Variants in CSMD2 observed in about 807,000 individuals in gnomAD.
The protein encoded by CSMD2 is CUB and Sushi multiple domains 2, also known as CUB and sushi domain-containing protein 2.
Under a neutral mutation model 398.5 loss-of-function variants are expected in CSMD2, and 130 were observed. The ratio of observed to expected loss-of-function variants is 0.33; its 90% CI spans 0.28 to 0.38. The LOEUF is 0.38. Among genes scored for constraint, CSMD2 ranks in the 10% least tolerant of loss-of-function variants. CSMD2 has a pLI of 1.00. For missense variants in CSMD2, 3,829 were observed against 4,764.9 expected, an observed-to-expected ratio of 0.80 and a Z score of 5.78; for synonymous variants, 1,828 against 1,908.5, an observed-to-expected ratio of 0.96 and a Z score of 1.10.
intron 3 of CSMD2, among the ~76,000 whole-genome samples, chr1:33,974,261 G>A (rs1570683036): frequency 6.6e-6 from 1 of 152,320 alleles, no homozygotes; most frequent in East Asian, 1.9e-4. Context: ...ATAGCAGCCT[G>A]AAGAACTGTC....
rs641383 is a variant in CSMD2 at position 33,664,842 on chromosome 1, A to C, written c.4053-1750T>G. On this transcript the variant is annotated intron_variant, in intron 25 of 70. Coordinates refer to ENST00000373381, the MANE Select transcript of CSMD2 (RefSeq NM_001281956.2). ...AAATAAATAAAAAGAAAATAAAATA[A>C]ATAAAAATTTTAAAATAAATCTTGC... Among the ~76,000 whole-genome samples, 1,328 of 152,110 alleles carry C rather than the reference A, an allele frequency of 8.7e-3. 25 individuals are homozygous for C. The highest frequency in any genetic ancestry group is 0.03 in the African/African-American group (1,258 of 41,546).
At chr1:34,014,362 A>G (rs968067537) in intron 3 of CSMD2, among the ~76,000 whole-genome samples, 1 of 152,228 alleles carries the variant, frequency 6.6e-6, no homozygotes, top group African/African-American at 2.4e-5. Context: ...CCCATAATGT[A>G]AAGGCTGTGT....
chr1:33,561,343 TTTCGGC>T (rs1658523999), intron 53 of CSMD2, among the ~76,000 whole-genome samples: 1 of 152,198 alleles, frequency 6.6e-6, no homozygotes, highest in South Asian at 2.1e-4. Flanking sequence ...CAGACCAGGA[TTTCGGC>T]TCAGCTCTGC....
At chr1:33,576,357 G>C (rs778351947) in intron 49 of CSMD2, among the ~76,000 whole-genome samples, 2 of 152,166 alleles carry the variant, frequency 1.3e-5, no homozygotes, top group Non-Finnish European at 2.9e-5. Flanking sequence ...CTGGGAGACC[G>C]AGGTGGGCGG....
At chr1:33,605,223 C>T (rs1004615255) in intron 42 of CSMD2, 59 bp downstream of exon 42, 92 of 1,509,606 alleles carry the variant, frequency 6.1e-5, no homozygotes, top group Non-Finnish European at 8.1e-5. Flanking sequence ...TGGGATTGCT[C>T]TGGACCAGTC....
chr1:33,629,153 G>T (rs986381436), intron 32 of CSMD2, among the ~76,000 whole-genome samples: 5 of 151,156 alleles, frequency 3.3e-5, no homozygotes, highest in African/African-American at 9.7e-5. Flanking sequence ...AATAACTATT[G>T]TCAATGAGCT....
intron 25 of CSMD2, among the ~76,000 whole-genome samples, chr1:33,688,495 G>C (rs1038471153): frequency 6.6e-6 from 1 of 152,148 alleles, no homozygotes; most frequent in African/African-American, 2.4e-5. Flanking sequence ...GTTTCATTTC[G>C]AGTTTATAAA....
chr1:33,721,814 A>C (rs893239516), intron 19 of CSMD2, among the ~76,000 whole-genome samples: 9 of 152,260 alleles, frequency 5.9e-5, no homozygotes, highest in African/African-American at 2.2e-4. Flanking sequence ...TTTGTTATAC[A>C]AATAGTATAT....
intron 4 of CSMD2, among the ~76,000 whole-genome samples, chr1:33,924,267 T>G (rs1032962355): frequency 2.0e-5 from 3 of 152,050 alleles, no homozygotes; most frequent in Non-Finnish European, 4.4e-5. Flanking sequence ...CTTGAACTCC[T>G]GGGCTCAAGA....
At chr1:33,793,015 G>A (rs904244860) in intron 10 of CSMD2, among the ~76,000 whole-genome samples, 6 of 152,096 alleles carry the variant, frequency 3.9e-5, no homozygotes, top group Admixed American at 1.3e-4. Flanking sequence ...ATTTCAACAA[G>A]ATTCCCCCCT....
At chr1:34,084,809 G>A (rs1205265676) in intron 2 of CSMD2, among the ~76,000 whole-genome samples, 1 of 152,006 alleles carries the variant, frequency 6.6e-6, no homozygotes, top group Non-Finnish European at 1.5e-5. Context: ...AACCATTGTG[G>A]AAGTCAGTGT....
At chr1:33,577,210 A>G (rs1389560) in intron 49 of CSMD2, 86 bp downstream of exon 49, 471,673 of 1,259,900 alleles carry the variant, frequency 0.37, 90,583 homozygotes, top group African/African-American at 0.42. Context: ...GGAAACCCAC[A>G]TTTGGAAGTG....
intron 1 of CSMD2, among the ~76,000 whole-genome samples, chr1:34,108,139 C>T (rs1309564533): frequency 2.6e-5 from 4 of 152,132 alleles, no homozygotes; most frequent in African/African-American, 9.7e-5. Context: ...AAACACATGG[C>T]TCCTGTTTTA....
intron 55 of CSMD2, among the ~76,000 whole-genome samples, chr1:33,550,780 CT>C (rs1657372685): frequency 6.6e-6 from 1 of 152,228 alleles, no homozygotes; most frequent in Admixed American, 6.5e-5. Context: ...CCTTTTCCAT[CT>C]GCATCTTACA....
intron 13 of CSMD2, among the ~76,000 whole-genome samples, chr1:33,769,972 T>G (rs1341957069): frequency 1.3e-5 from 2 of 152,214 alleles, no homozygotes; most frequent in Non-Finnish European, 2.9e-5. Flanking sequence ...TATTTTATAT[T>G]TTTATAGATG....
chr1:33,796,019 C>T lies in CSMD2; in HGVS notation c.1447-3493G>A, dbSNP rs545416351. Among the ~76,000 whole-genome samples, 15 of 152,326 alleles carry T rather than the reference C, an allele frequency of 9.8e-5. No homozygotes were observed. The East Asian group carries it at 2.1e-3, about 22-fold the overall frequency. On this transcript the variant is annotated intron_variant, in intron 10 of 70. Transcript: ENST00000373381. ...TGTGATCTGTATCACAGATATTCAG[C>T]TCTATTGATGTAGCATGAACATAGC...
intron 3 of CSMD2, among the ~76,000 whole-genome samples, chr1:34,002,045 A>G (rs917457155): frequency 6.6e-6 from 1 of 151,854 alleles, no homozygotes; most frequent in African/African-American, 2.4e-5. Context: ...TTTTTTTTCC[A>G]TCTGTCGAAT....
At chr1:33,544,854 T>TATATATATATATATATATATATATACAC (rs1553134872) in intron 57 of CSMD2, among the ~76,000 whole-genome samples, 3 of 93,326 alleles carry the variant, frequency 3.2e-5, no homozygotes, top group African/African-American at 9.8e-5. Context: ...TATATATATA[T>TATATATATATATATATATATATATACAC]ACACATATAA....
At chr1:33,985,252 C>G (rs568986860) in intron 3 of CSMD2, among the ~76,000 whole-genome samples, 1 of 152,184 alleles carries the variant, frequency 6.6e-6, no homozygotes, top group Non-Finnish European at 1.5e-5. Context: ...TCCACCCCAC[C>G]CCTCCCTGGG....
Sources: allele counts gnomAD v4.1 joint callset (sites outside exome capture counted in the v4.1 genomes callset), GRCh38; gene constraint gnomAD v4.1.1; transcripts MANE v1.5; gene names NCBI Gene and HGNC (gene_info 2026-07-23, HGNC 2026-07-21).